The following CD164 variants were observed in gnomAD, a reference collection of about 807,000 sequenced individuals.
The protein encoded by CD164 is sialomucin core protein 24.
CD164 carries 11 observed loss-of-function variants against 24.6 expected under a neutral mutation model. The observed-to-expected ratio is 0.45, with a 90% CI of 0.28 to 0.74. The LOEUF (loss-of-function observed/expected upper bound fraction) is 0.74. Among genes scored for constraint, CD164 ranks in the 30% least tolerant of loss-of-function variants. The pLI is 0.13. For missense variants in CD164, 295 were observed against 243.7 expected (o/e 1.21, Z -1.40); for synonymous variants, 126 against 100.3 (o/e 1.26, Z -1.53).
rs565358661 is a variant in CD164 at position 109,368,157 on chromosome 6, T to C, written c.*694A>G. The stretch of plus-strand genomic sequence containing the variant: ...TTCCTTAATGTCAAAGAACAAATCA[T>C]AGACATTAAGCTAGAGCTTACCTTT... On this transcript the variant is annotated 3_prime_UTR_variant, in exon 6 of 6. Coordinates refer to ENST00000310786, the MANE Select transcript of CD164 (RefSeq NM_006016.6). The C allele has an allele frequency of 4.3e-5, 39 of 910,540 alleles. No homozygotes were observed. Among genetic ancestry groups the C allele is most frequent in the South Asian group, 7.4e-5 (4 of 53,892 alleles). 56.4% of individuals were successfully genotyped at this position (910,540 alleles called of 1,614,324 possible).
chr6:109,371,765 C>G (rs564671534), intron 4 of CD164: 37 of 153,602 alleles, frequency 2.4e-4, no homozygotes, highest in Admixed American at 7.9e-4. Flanking sequence ...TTGGAAAGTG[C>G]ACTATAGGAG....
chr6:109,381,104 G>A (rs1213026996), intron 1 of CD164, among the ~76,000 whole-genome samples: 1 of 152,174 alleles, frequency 6.6e-6, no homozygotes, highest in Non-Finnish European at 1.5e-5. Context: ...TGTTAACTAC[G>A]TAAACATTAC....
In CD164 at chr6:109,376,797, G is replaced by C. The variant is rs151058853; in HGVS notation, c.332-685C>G. 2.0e-5 allele frequency among the ~76,000 whole-genome samples: 3 copies of C among 152,160 alleles called. No homozygotes were observed. The East Asian group carries it at 5.8e-4, about 29-fold the overall frequency. Reference sequence around the variant, plus strand: ...CTCTAAGCAATATTACAAAACCACAGGTCTGACAGTTATTAGTTTATCTAA... The same window carrying C: ...CTCTAAGCAATATTACAAAACCACACGTCTGACAGTTATTAGTTTATCTAA... On this transcript the variant is annotated intron_variant, in intron 3 of 5. Coordinates refer to ENST00000310786, the MANE Select transcript of CD164 (RefSeq NM_006016.6).
rs1304407335 is a variant in CD164, at chr6:109,368,323, T to C, written c.*528A>G. The C allele has an allele frequency of 4.5e-6, 7 of 1,542,568 alleles. No homozygotes were observed. Among genetic ancestry groups the C allele is most frequent in the Non-Finnish European group, 6.1e-6 (7 of 1,143,026 alleles). On this transcript the variant is annotated 3_prime_UTR_variant, in exon 6 of 6. Coordinates refer to ENST00000310786, the MANE Select transcript of CD164 (RefSeq NM_006016.6). ...ATGTAGTTCCTTGTGTGGCATCTTA[T>C]TTCTAATGTAGAAAAAACAGCTGTT...
Position 109,368,354 on chromosome 6 carries a change from G to T in CD164, c.*497C>A. The T allele has an allele frequency of 6.5e-7, 1 of 1,527,292 alleles. No individual in the cohort carries two copies. Among genetic ancestry groups the T allele is most frequent in the Non-Finnish European group, 8.8e-7 (1 of 1,136,962 alleles). 94.6% of individuals were successfully genotyped at this position (1,527,292 alleles called of 1,614,324 possible). ...ATGTAGAAAAAACAGCTGTTATCAA[G>T]CACAAAATTTTAATCTAAGGATACC... On this transcript the variant is annotated 3_prime_UTR_variant, in exon 6 of 6. Coordinates refer to ENST00000310786, the MANE Select transcript of CD164 (RefSeq NM_006016.6).
At chr6:109,372,060 C>CA (rs2115148593) in intron 4 of CD164, 1 of 152,244 alleles carries the variant, frequency 6.6e-6, no homozygotes, top group Non-Finnish European at 1.5e-5. Context: ...GAACAGACTT[C>CA]AAAGTGATAT....
At chr6:109,369,349 T>C (rs1409542683) in intron 5 of CD164, among the ~76,000 whole-genome samples, 1 of 152,200 alleles carries the variant, frequency 6.6e-6, no homozygotes, top group African/African-American at 2.4e-5. Flanking sequence ...TTTTAGTTAA[T>C]TGTGAGTGTA....
intron 2 of CD164, among the ~76,000 whole-genome samples, chr6:109,378,627 A>G (rs552647343): frequency 1.3e-5 from 2 of 152,294 alleles, no homozygotes; most frequent in South Asian, 4.1e-4. Context: ...TAAGGGGAGA[A>G]CCTTTCCCAA....
intron 1 of CD164, chr6:109,381,773 G>A: frequency 1.7e-6 from 1 of 576,134 alleles, no homozygotes; most frequent in Non-Finnish European, 3.1e-6. Flanking sequence ...GGCGCCGGGA[G>A]GGTGAACAAC....
chr6:109,380,801 T>C (rs2115172412), intron 1 of CD164, among the ~76,000 whole-genome samples: 1 of 152,294 alleles, frequency 6.6e-6, no homozygotes, highest in African/African-American at 2.4e-5. Flanking sequence ...CAACCTTCTC[T>C]TACACACACA....
chr6:109,376,047 A>G, intron 4 of CD164, 27 bp downstream of exon 4: 2 of 1,532,562 alleles, frequency 1.3e-6, no homozygotes, highest in Non-Finnish European at 1.8e-6. Flanking sequence ...CTGAAGGAAA[A>G]GGAAGAAAAC....
chr6:109,370,310 T>C (rs1017483613), intron 5 of CD164, 101 bp downstream of exon 5: 5 of 916,648 alleles, frequency 5.5e-6, no homozygotes, highest in Non-Finnish European at 7.0e-6. Context: ...TTCAGTTCCA[T>C]AACCATTAAC....
At position 109,368,147 on chromosome 6, in the gene CD164, G is replaced by A. The variant is rs535034663; in HGVS notation, c.*704C>T. On this transcript the variant is annotated 3_prime_UTR_variant, in exon 6 of 6. Transcript: ENST00000310786. ...AATCCTTACCTTCCTTAATGTCAAAGAACAAATCATAGACATTAAGCTAGA... is the reference window on the plus strand; with the variant it reads ...AATCCTTACCTTCCTTAATGTCAAAAAACAAATCATAGACATTAAGCTAGA... 1.2e-6 allele frequency: 1 copy of A among 844,782 alleles called. No individual in the cohort carries two copies. Among genetic ancestry groups the A allele is most frequent in the African/African-American group, 1.8e-5 (1 of 54,792 alleles). 52.3% of individuals were successfully genotyped at this position (844,782 alleles called of 1,614,324 possible).
chr6:109,370,494 A>T lies in CD164; in HGVS notation c.371-27T>A, dbSNP rs983545671. 2.5e-6 allele frequency: 4 copies of T among 1,585,214 alleles called. No homozygotes were observed. In the East Asian group the frequency reaches 9.0e-5, roughly 36 times the overall value. ...TGGAATGAAAACAAAATGTCTTTTT[A>T]AAAAACCTTAAATTTCTAGCTTCCC... is the stretch of plus-strand genomic sequence containing the variant. On this transcript the variant is annotated intron_variant, in intron 4 of 5. Transcript: ENST00000310786.
At chr6:109,378,227 T>C (rs1224187984) in intron 2 of CD164, among the ~76,000 whole-genome samples, 1 of 152,100 alleles carries the variant, frequency 6.6e-6, no homozygotes, top group African/African-American at 2.4e-5. Context: ...ACTGAAAAAA[T>C]AAATCTGCAA....
At chr6:109,372,869 C>A (rs776611527) in intron 4 of CD164, 2 of 152,072 alleles carry the variant, frequency 1.3e-5, no homozygotes, top group African/African-American at 4.8e-5. Context: ...CATTACCCAG[C>A]CTCAGAACAA....
At chr6:109,369,107 G>T in intron 5 of CD164, 90 bp from the exon 6 acceptor site, 1 of 1,144,522 alleles carries the variant, frequency 8.7e-7, no homozygotes, top group Non-Finnish European at 1.3e-6. Flanking sequence ...ATTTTGCCAT[G>T]TGTTAAATTC....
intron 4 of CD164, among the ~76,000 whole-genome samples, chr6:109,374,566 G>C (rs1421032285): frequency 6.6e-6 from 1 of 152,132 alleles, no homozygotes; most frequent in Admixed American, 6.6e-5. Context: ...CACAATGCCA[G>C]AATAAGTTGT....
Position 109,368,532 on chromosome 6 carries a change from CACA to C in CD164, c.*316_*318del, listed in dbSNP as rs1189681068. 105 of 1,346,922 alleles carry C rather than the reference CACA, an allele frequency of 7.8e-5. No homozygotes were observed. Among genetic ancestry groups the C allele is most frequent in the Non-Finnish European group, 8.1e-5 (86 of 1,055,266 alleles). The allele number at this position is 1,346,922 out of a possible 1,614,324, so 83.4% of individuals were successfully genotyped here. ...CTGCCAAGAGCCATGATGTTGTCTG[CACA>C]AGACAACATTTTCCATCACTTTCAG... On this transcript the variant is annotated 3_prime_UTR_variant, in exon 6 of 6. Coordinates refer to ENST00000310786, the MANE Select transcript of CD164 (RefSeq NM_006016.6).
Sources: gnomAD v4.1 joint callset for allele counts (sites outside exome capture counted in the v4.1 genomes callset) on GRCh38, gnomAD v4.1.1 for gene constraint, MANE v1.5 for transcripts, NCBI Gene and HGNC (gene_info 2026-07-23, HGNC 2026-07-21) for gene names.